The following ZCCHC2 variants were observed in gnomAD, a reference collection of about 807,000 sequenced individuals.
ZCCHC2 encodes zinc finger CCHC domain-containing protein 2.
ZCCHC2 carries 39 observed loss-of-function variants against 103.6 expected under a neutral mutation model. The ratio of observed to expected loss-of-function variants is 0.38; its 90% CI spans 0.29 to 0.49. The LOEUF is 0.49. Among genes scored for constraint, ZCCHC2 ranks in the 20% least tolerant of loss-of-function variants. ZCCHC2 has a pLI of 0.96. For missense variants in ZCCHC2, 1,483 were observed against 1,491.0 expected (o/e 0.99, Z 0.09); for synonymous variants, 687 against 608.9 (o/e 1.13, Z -1.89).
Position 62,576,671 on chromosome 18 carries a change from T to G in ZCCHC2, c.*92T>G. The G allele has an allele frequency of 1.6e-6, 2 of 1,237,074 alleles. No homozygotes were observed. The highest frequency in any genetic ancestry group is 2.3e-6 in the Non-Finnish European group (2 of 871,810). The allele number at this position is 1,237,074 out of a possible 1,614,324, so 76.6% of individuals were successfully genotyped here. A position where few individuals can be genotyped will look rare whatever the true frequency, so the allele number is the denominator to read the frequency against. On this transcript the variant is annotated 3_prime_UTR_variant, in exon 14 of 14. Coordinates refer to ENST00000269499, the MANE Select transcript of ZCCHC2 (RefSeq NM_017742.6). Reference sequence around the variant, plus strand: ...AGGAAAGGTATTTTGTTTCTTTGTCTATACATTTCCTAGATTTCTATGCAG... The same window carrying G: ...AGGAAAGGTATTTTGTTTCTTTGTCGATACATTTCCTAGATTTCTATGCAG...
intron 1 of ZCCHC2, among the ~76,000 whole-genome samples, chr18:62,535,986 A>G (rs1053511018): frequency 3.9e-5 from 6 of 152,216 alleles, no homozygotes; most frequent in African/African-American, 1.4e-4. Flanking sequence ...TTTATAGTCT[A>G]TATCGAGGGA....
chr18:62,538,571 A>T (rs1915034281), intron 1 of ZCCHC2, among the ~76,000 whole-genome samples: 1 of 152,208 alleles, frequency 6.6e-6, no homozygotes, highest in Non-Finnish European at 1.5e-5. Flanking sequence ...CAGAAGTTGG[A>T]TGTTGACTGA....
chr18:62,566,168 C>T (rs899267111), intron 11 of ZCCHC2, among the ~76,000 whole-genome samples: 62 of 152,284 alleles, frequency 4.1e-4, no homozygotes, highest in African/African-American at 1.4e-3. Context: ...TCGCTTGAAC[C>T]CGGGAGGCAG....
rs771894903 is a variant in ZCCHC2 at position 62,570,148 on chromosome 18, C to T, written c.1892C>T (p.Thr631Ile). 5.6e-6 allele frequency: 9 copies of T among 1,612,600 alleles called. No individual in the cohort carries two copies. In the South Asian group the frequency reaches 8.8e-5, roughly 16 times the overall value. Residue 631 changes from threonine (T) to isoleucine (I), a missense_variant, in exon 12 of 14, where the codon ACA becomes ATA. Thr to Ile is a moderately conservative substitution (Grantham distance 89). Transcript: ENST00000269499. ...IGSGHDTCGE[T>I]SSESYSSPSS... ...TCTGGACATGACACATGTGGAGAAA[C>T]ATCTTCAGAGAGTTACAGTTCTCCA...
In ZCCHC2 at chr18:62,523,242, A is replaced by T. The variant is rs1431269270; in HGVS notation, c.-183A>T. On this transcript the variant is annotated 5_prime_UTR_variant, in exon 1 of 14. Coordinates refer to ENST00000269499, the MANE Select transcript of ZCCHC2 (RefSeq NM_017742.6). ...GCCCCCAGCCCGGGAAGACGACGCC[A>T]GCGACCCCGCCGGCCGGCCACCGCC... 5.5e-6 allele frequency: 2 copies of T among 362,310 alleles called. No individual in the cohort carries two copies. The highest frequency in any genetic ancestry group is 7.6e-6 in the Non-Finnish European group (2 of 261,674). The allele number at this position is 362,310 out of a possible 1,614,324, so 22.4% of individuals were successfully genotyped here.
At chr18:62,568,553 T>G (rs1916466414) in intron 11 of ZCCHC2, among the ~76,000 whole-genome samples, 2 of 152,256 alleles carry the variant, frequency 1.3e-5, no homozygotes, top group African/African-American at 4.8e-5. Context: ...ATTCACCAGC[T>G]TGCACAGTGT....
chr18:62,537,096 A>G (rs563229696), intron 1 of ZCCHC2, among the ~76,000 whole-genome samples: 1 of 152,328 alleles, frequency 6.6e-6, no homozygotes, highest in Non-Finnish European at 1.5e-5. Flanking sequence ...GTCTCCAAAC[A>G]TTCTATCATC....
chr18:62,536,705 G>A (rs1914944432), intron 1 of ZCCHC2, among the ~76,000 whole-genome samples: 1 of 152,202 alleles, frequency 6.6e-6, no homozygotes, highest in Admixed American at 6.5e-5. Flanking sequence ...TAGTCTACGT[G>A]ATTTTATAGC....
chr18:62,549,106 C>T (rs1915548406), intron 4 of ZCCHC2, among the ~76,000 whole-genome samples: 1 of 151,304 alleles, frequency 6.6e-6, no homozygotes, highest in South Asian at 2.1e-4. Context: ...GTAGTCCCAG[C>T]TACTCGGGAG....
intron 1 of ZCCHC2, among the ~76,000 whole-genome samples, chr18:62,534,546 G>A (rs922584712): frequency 6.6e-6 from 1 of 152,188 alleles, no homozygotes; most frequent in Non-Finnish European, 1.5e-5. Flanking sequence ...TTGGGGTAGT[G>A]CCTTGTGTGA....
Position 62,574,351 on chromosome 18 carries a change from C to G in ZCCHC2, c.2270C>G (p.Ala757Gly). ...GGGATGCTTGTTCCTAGTCCTGTTGCTATTTCTGCAATAAGGGAGTCTGCA... is the reference window on the plus strand; with the variant it reads ...GGGATGCTTGTTCCTAGTCCTGTTGGTATTTCTGCAATAAGGGAGTCTGCA... ...TIGMLVPSPVAISAIRESANS... is the reference protein window; with the variant it reads ...TIGMLVPSPVGISAIRESANS... Residue 757 changes from alanine (A) to glycine (G), a missense_variant, in exon 13 of 14, where the codon GCT becomes GGT. Transcript: ENST00000269499. The G allele has an allele frequency of 6.2e-7, 1 of 1,614,034 alleles. No individual in the cohort carries two copies. Among genetic ancestry groups the G allele is most frequent in the Non-Finnish European group, 8.5e-7 (1 of 1,179,890 alleles).
intron 9 of ZCCHC2, among the ~76,000 whole-genome samples, chr18:62,563,678 A>G (rs1394290805): frequency 6.6e-6 from 1 of 152,210 alleles, no homozygotes; most frequent in Non-Finnish European, 1.5e-5. Flanking sequence ...TTTAAAACAA[A>G]ATAAAAATTT....
At chr18:62,542,958 C>G (rs1169073170) in intron 3 of ZCCHC2, among the ~76,000 whole-genome samples, 1 of 152,100 alleles carries the variant, frequency 6.6e-6, no homozygotes, top group Admixed American at 6.5e-5. Context: ...ACTGCATTGC[C>G]CTGTCTTCTT....
chr18:62,524,384 C>T (rs1231579884), intron 1 of ZCCHC2, 21 bp downstream of exon 1: 2 of 1,457,700 alleles, frequency 1.4e-6, no homozygotes, highest in African/African-American at 2.9e-5. Context: ...CGGAGCCTCC[C>T]TGGACTCGCG....
Position 62,523,376 on chromosome 18 carries a change from G to GGGGGGGGCGCC in ZCCHC2, c.-49_-48insGGGGGGGCGCC. On this transcript the variant is annotated 5_prime_UTR_variant, in exon 1 of 14. Coordinates refer to ENST00000269499, the MANE Select transcript of ZCCHC2 (RefSeq NM_017742.6). ...GCCTCGGCCCGTGCTCCACCTCGCG[G>GGGGGGGGCGCC]CCCCTCCCGCCCGCCCCCGCTCGCA... is the stretch of plus-strand genomic sequence containing the variant. 4 of 1,012,348 alleles carry GGGGGGGGCGCC rather than the reference G, an allele frequency of 4.0e-6. No individual in the cohort carries two copies. Among genetic ancestry groups the GGGGGGGGCGCC allele is most frequent in the Non-Finnish European group, 4.7e-6 (4 of 848,984 alleles). 62.7% of individuals were successfully genotyped at this position (1,012,348 alleles called of 1,614,324 possible). A position where few individuals can be genotyped will look rare whatever the true frequency, so the allele number is the denominator to read the frequency against.
intron 1 of ZCCHC2, chr18:62,524,669 G>C: frequency 2.5e-6 from 1 of 399,328 alleles, no homozygotes; most frequent in South Asian, 6.4e-5. Context: ...GGCCCCTCTC[G>C]GAGGAAAAGT....
intron 11 of ZCCHC2, among the ~76,000 whole-genome samples, chr18:62,566,137 C>T (rs148049016): frequency 7.9e-5 from 12 of 152,182 alleles, no homozygotes; most frequent in South Asian, 2.1e-4. Flanking sequence ...CTCAGCTACT[C>T]GGGAGGCTAA....
chr18:62,566,152 G>A (rs927711985), intron 11 of ZCCHC2, among the ~76,000 whole-genome samples: 8 of 152,204 alleles, frequency 5.3e-5, no homozygotes, highest in Non-Finnish European at 1.2e-4. Flanking sequence ...GGCTAAGGCA[G>A]GAGAGTCGCT....
At position 62,523,852 on chromosome 18, in the gene ZCCHC2, A is replaced by C; in HGVS notation, c.428A>C (p.His143Pro). Residue 143 changes from histidine (H) to proline (P), a missense_variant, in exon 1 of 14, where the codon CAC becomes CCC. Around this residue, in one of 3 missense-constraint regions of ZCCHC2, gnomAD observed 568 missense variants for 525.1 expected, o/e 1.08. Coordinates refer to ENST00000269499, the MANE Select transcript of ZCCHC2 (RefSeq NM_017742.6). ...GAGGACCTGGCGCGCAAGGACTACCACTACCTGCGCGACTCGGAGGCCAAG... is the reference window on the plus strand; with the variant it reads ...GAGGACCTGGCGCGCAAGGACTACCCCTACCTGCGCGACTCGGAGGCCAAG... The part of the protein sequence containing the change: ...CLEDLARKDY[H>P]YLRDSEAKAN... 6.5e-7 allele frequency: 1 copy of C among 1,544,844 alleles called. No homozygotes were observed.
Sources: gnomAD v4.1 joint callset for allele counts (sites outside exome capture counted in the v4.1 genomes callset) on GRCh38, gnomAD v4.1.1 for gene constraint, gnomAD v4.1.1 regional missense constraint, MANE v1.5 for transcripts, NCBI Gene and HGNC (gene_info 2026-07-23, HGNC 2026-07-21) for gene names.